CFAP44: variants seen among roughly 807,000 people sequenced by gnomAD.
CFAP44 encodes cilia and flagella associated protein 44, also known as cilia- and flagella-associated protein 44.
In CFAP44, 134 loss-of-function variants were observed where a neutral mutation model predicts 216.2. The ratio of observed to expected loss-of-function variants is 0.62; its 90% CI spans 0.54 to 0.72. CFAP44 has a LOEUF of 0.72. Among genes scored for constraint, CFAP44 ranks in the 30% least tolerant of loss-of-function variants. The pLI is 0.00. For synonymous variants in CFAP44, 700 were observed against 727.6 expected (o/e 0.96, Z 0.61); for missense variants, 2,035 against 2,182.1 (o/e 0.93, Z 1.34).
intron 7 of CFAP44, among the ~76,000 whole-genome samples, chr3:113,408,530 T>C (rs1039718399): frequency 5.9e-5 from 9 of 152,186 alleles, no homozygotes; most frequent in Non-Finnish European, 8.8e-5. Context: ...TAAACTCTTT[T>C]AGGAGGTGGA....
At chr3:113,398,597 A>G (rs1012948134) in intron 13 of CFAP44, among the ~76,000 whole-genome samples, 8 of 152,204 alleles carry the variant, frequency 5.3e-5, no homozygotes, top group African/African-American at 1.9e-4. Flanking sequence ...TGAGTGAGCT[A>G]GGTCTGCCAA....
rs776033529 is a variant in CFAP44, at chr3:113,380,926, A to G, written c.2025T>C (p.His675=). 1.1e-5 allele frequency: 18 copies of G among 1,584,418 alleles called. No individual in the cohort carries two copies. The Admixed American group carries it at 2.0e-4, about 17-fold the overall frequency. ...GAATCTTAGATTTGACACTTGAAAAATGGAAACATTTTATGCACATGTCTT... is the reference window on the plus strand; with the variant it reads ...GAATCTTAGATTTGACACTTGAAAAGTGGAAACATTTTATGCACATGTCTT... ...EIKDMCIKCF[H]FSSVKSKILR... The change falls in exon 16 of 35, where the codon CAT becomes CAC. Residue 675 remains histidine (H), a synonymous_variant. Coordinates refer to ENST00000393845, the MANE Select transcript of CFAP44 (RefSeq NM_001164496.2).
chr3:113,440,015 C>T (rs1935324248), intron 1 of CFAP44, among the ~76,000 whole-genome samples: 1 of 152,090 alleles, frequency 6.6e-6, no homozygotes, highest in East Asian at 1.9e-4. Flanking sequence ...CACATATTAT[C>T]GTACAATTCT....
intron 18 of CFAP44, among the ~76,000 whole-genome samples, chr3:113,368,050 A>C (rs1020223966): frequency 1.3e-5 from 2 of 152,228 alleles, no homozygotes; most frequent in Non-Finnish European, 2.9e-5. Context: ...AAAAAGAGTA[A>C]AAAGAAATGA....
Position 113,429,591 on chromosome 3 carries a change from T to C in CFAP44, c.101-2252A>G, listed in dbSNP as rs533928114. 1.1e-4 allele frequency among the ~76,000 whole-genome samples: 16 copies of C among 152,282 alleles called. No individual in the cohort carries two copies. The South Asian group carries it at 1.9e-3, about 18-fold the overall frequency. On this transcript the variant is annotated intron_variant, in intron 2 of 34. Transcript: ENST00000393845. ...CATGCTGATAATCTCTGCCTTTTTATATTAATGTTCAGTTAACTAATAATT... is the reference window on the plus strand; with the variant it reads ...CATGCTGATAATCTCTGCCTTTTTACATTAATGTTCAGTTAACTAATAATT...
intron 23 of CFAP44, 112 bp downstream of exon 23, chr3:113,344,404 G>T (rs1169932387): frequency 1.2e-6 from 1 of 865,744 alleles, no homozygotes; most frequent in Non-Finnish European, 1.8e-6. Flanking sequence ...AGGAAGAGGG[G>T]CAAGAGATTG....
At chr3:113,379,578 T>C (rs1382504612) in intron 16 of CFAP44, 27 bp from the exon 17 acceptor site, 2 of 1,513,754 alleles carry the variant, frequency 1.3e-6, no homozygotes, top group Admixed American at 3.7e-5. Flanking sequence ...TAAGTAGGTA[T>C]AAAAACAATT....
chr3:113,302,124 T>C (rs1052336852), intron 32 of CFAP44, among the ~76,000 whole-genome samples: 22 of 152,244 alleles, frequency 1.4e-4, no homozygotes, highest in Non-Finnish European at 2.6e-4. Flanking sequence ...TAAGGCTGAA[T>C]AGTATTTCAT....
intron 28 of CFAP44, among the ~76,000 whole-genome samples, chr3:113,320,507 GAT>G (rs201363993): frequency 0.11 from 13,340 of 122,992 alleles, 804 homozygotes; most frequent in African/African-American, 0.19. Flanking sequence ...TATATATCTA[GAT>G]ATACAGTACT....
At chr3:113,388,565 T>G (rs1173608931) in intron 15 of CFAP44, among the ~76,000 whole-genome samples, 1 of 152,062 alleles carries the variant, frequency 6.6e-6, no homozygotes, top group Non-Finnish European at 1.5e-5. Flanking sequence ...TGAAAGTAAA[T>G]GGACTAAACT....
intron 6 of CFAP44, among the ~76,000 whole-genome samples, chr3:113,410,932 C>A (rs1418044691): frequency 6.6e-6 from 1 of 152,190 alleles, no homozygotes; most frequent in Non-Finnish European, 1.5e-5. Flanking sequence ...TGTCTGTTGG[C>A]TACATAAATG....
chr3:113,297,424 C>T (rs1431387421), intron 32 of CFAP44, among the ~76,000 whole-genome samples: 4 of 152,070 alleles, frequency 2.6e-5, no homozygotes, highest in Non-Finnish European at 5.9e-5. Flanking sequence ...GCCAGGCTCA[C>T]CCCAGCCTCA....
chr3:113,290,997 T>C lies in CFAP44; in HGVS notation c.*560A>G, dbSNP rs1949824052. 6.5e-6 allele frequency: 1 copy of C among 153,980 alleles called. No homozygotes were observed. The highest frequency in any genetic ancestry group is 1.4e-5 in the Non-Finnish European group (1 of 69,130). 9.5% of individuals were successfully genotyped at this position (153,980 alleles called of 1,614,324 possible). On this transcript the variant is annotated 3_prime_UTR_variant, in exon 35 of 35. Transcript: ENST00000393845. ...CAAACTGCTCTGCCATGTCTGTTTGTATTTCCTGAATCCTGAGCCCTCAAA... is the reference window on the plus strand; with the variant it reads ...CAAACTGCTCTGCCATGTCTGTTTGCATTTCCTGAATCCTGAGCCCTCAAA...
At chr3:113,347,656 C>G (rs1215015483) in intron 22 of CFAP44, among the ~76,000 whole-genome samples, 1 of 152,226 alleles carries the variant, frequency 6.6e-6, no homozygotes, top group Non-Finnish European at 1.5e-5. Context: ...GATCCTTCCT[C>G]AGACAAGCGG....
intron 5 of CFAP44, among the ~76,000 whole-genome samples, chr3:113,417,987 T>C (rs771678684): frequency 6.6e-6 from 1 of 152,202 alleles, no homozygotes; most frequent in Non-Finnish European, 1.5e-5. Flanking sequence ...AAAAAGTTTC[T>C]GCCTCATATT....
At chr3:113,294,398 C>A (rs924434130) in intron 34 of CFAP44, 4 of 364,732 alleles carry the variant, frequency 1.1e-5, no homozygotes, top group Non-Finnish European at 2.0e-5. Context: ...ATAATGGTGT[C>A]GTTATTCATA....
intron 29 of CFAP44, among the ~76,000 whole-genome samples, chr3:113,307,621 T>C (rs1949998635): frequency 6.6e-6 from 1 of 152,228 alleles, no homozygotes; most frequent in South Asian, 2.1e-4. Flanking sequence ...GATGTATCCT[T>C]AGCATCAGAT....
intron 2 of CFAP44, chr3:113,427,601 A>G (rs58905600): frequency 0.03 from 9,762 of 323,064 alleles, 225 homozygotes; most frequent in East Asian, 0.091. Context: ...AAAGATAAAA[A>G]GAAAGAGGTT....
chr3:113,325,544 A>C (rs962116784), intron 28 of CFAP44, among the ~76,000 whole-genome samples: 16 of 151,882 alleles, frequency 1.1e-4, no homozygotes, highest in African/African-American at 3.9e-4. Flanking sequence ...TCCTGGGTTC[A>C]CGCCATTCTC....
Sources: gnomAD v4.1 joint callset for allele counts (sites outside exome capture counted in the v4.1 genomes callset) on GRCh38, gnomAD v4.1.1 for gene constraint, MANE v1.5 for transcripts, NCBI Gene and HGNC (gene_info 2026-07-23, HGNC 2026-07-21) for gene names.